Variants in APOD observed in about 807,000 individuals in gnomAD.
APOD encodes the protein apolipoprotein D.
APOD carries 22 observed loss-of-function variants against 20.4 expected under a neutral mutation model. The ratio of observed to expected loss-of-function variants is 1.08; its 90% CI spans 0.77 to 1.54. APOD has a LOEUF of 1.54. APOD is among the 40% of genes most tolerant of loss of function. APOD has a pLI of 0.00. For synonymous variants in APOD, 97 were observed against 92.4 expected (o/e 1.05, Z -0.29); for missense variants, 223 against 229.6 (o/e 0.97, Z 0.19).
At chr3:195,576,874 G>A (rs1720256600) in intron 2 of APOD, among the ~76,000 whole-genome samples, 1 of 150,908 alleles carries the variant, frequency 6.6e-6, no homozygotes, top group Admixed American at 6.6e-5. Flanking sequence ...ATTTGCAGAT[G>A]AAATTAAGAA....
rs763455259 is a variant in APOD at position 195,579,520 on chromosome 3, G to A, written c.-34-25C>T. The A allele has an allele frequency of 9.4e-6, 15 of 1,597,008 alleles. No homozygotes were observed. In the African/African-American group the frequency reaches 1.9e-4, roughly 20 times the overall value. On this transcript the variant is annotated intron_variant, in intron 1 of 4. Transcript: ENST00000343267. ...GCTGCGGGAACGCAAAGCAGCTGGG[G>A]TTGTCATTCTGAGCCTTCTAAGGCC... is the stretch of plus-strand genomic sequence containing the variant.
intron 4 of APOD, chr3:195,570,789 G>A (rs1720146026): frequency 6.1e-6 from 1 of 164,752 alleles, no homozygotes; most frequent in African/African-American, 2.4e-5. Flanking sequence ...CCTGTCATTA[G>A]GTATCTCACA....
chr3:195,582,932 CA>C (rs71777098), intron 1 of APOD: 25,944 of 100,518 alleles, frequency 0.26, 2,426 homozygotes, highest in East Asian at 0.47. Context: ...GACTCCGTCT[CA>C]AAAAAAAAAA....
Position 195,576,310 on chromosome 3 carries a change from T to C in APOD, c.124-2339A>G, listed in dbSNP as rs78867801. Among the ~76,000 whole-genome samples, 104 of 152,336 alleles carry C rather than the reference T, an allele frequency of 6.8e-4. No homozygotes were observed. The East Asian group carries it at 0.01, about 15-fold the overall frequency. On this transcript the variant is annotated intron_variant, in intron 2 of 4. Transcript: ENST00000343267. ...AACTCAGAGCTTCCTTATGATCTCATATTATTTTTGCAAAGGCTTCTTAAT... is the reference window on the plus strand; with the variant it reads ...AACTCAGAGCTTCCTTATGATCTCACATTATTTTTGCAAAGGCTTCTTAAT...
At chr3:195,579,553 C>A in intron 1 of APOD, 58 bp from the exon 2 acceptor site, 1 of 1,552,116 alleles carries the variant, frequency 6.4e-7, no homozygotes, top group South Asian at 1.2e-5. Context: ...GCCACACAAT[C>A]ATGAAGTAAG....
At chr3:195,579,653 C>T (rs1284290401) in intron 1 of APOD, among the ~76,000 whole-genome samples, 158 bp from the exon 2 acceptor site, 1 of 152,204 alleles carries the variant, frequency 6.6e-6, no homozygotes, top group Non-Finnish European at 1.5e-5. Flanking sequence ...GAACACCTGC[C>T]TGTCCTTGTT....
chr3:195,583,776 G>A (rs1720379741), intron 1 of APOD, 102 bp downstream of exon 1: 2 of 152,246 alleles, frequency 1.3e-5, no homozygotes, highest in Non-Finnish European at 2.9e-5. Context: ...CTCTCAATCA[G>A]TGGTAGTTAT....
At position 195,579,448 on chromosome 3, in the gene APOD, A is replaced by G; in HGVS notation, c.14T>C (p.Leu5Pro). The change falls in exon 2 of 5, where the codon CTG becomes CCG. Residue 5 changes from leucine to proline, a missense_variant. Leu to Pro is a moderately conservative substitution (Grantham distance 98). Transcript: ENST00000343267. MVML[L>P]LLLSALAGLF... ...GCCAGCCAGTGCGGAAAGCAGCAGC[A>G]GCAGCATCACCATCTTGGGGCTGGG... The G allele has an allele frequency of 6.2e-7, 1 of 1,613,616 alleles. No homozygotes were observed. The highest frequency in any genetic ancestry group is 2.2e-5 in the East Asian group (1 of 44,888).
chr3:195,572,354 G>A (rs1720175724), intron 3 of APOD, among the ~76,000 whole-genome samples: 1 of 152,202 alleles, frequency 6.6e-6, no homozygotes, highest in Non-Finnish European at 1.5e-5. Flanking sequence ...TCTCAGGTAT[G>A]CCCAGATTTC....
In APOD at chr3:195,568,814, T is replaced by G. The variant is rs542624395; in HGVS notation, c.*86A>C. 7 of 843,984 alleles carry G rather than the reference T, an allele frequency of 8.3e-6. No individual in the cohort carries two copies. The highest frequency in any genetic ancestry group is 2.3e-5 in the African/African-American group (1 of 43,228). 52.3% of individuals were successfully genotyped at this position (843,984 alleles called of 1,614,324 possible). On this transcript the variant is annotated 3_prime_UTR_variant, in exon 5 of 5. Coordinates refer to ENST00000343267, the MANE Select transcript of APOD (RefSeq NM_001647.4). ...TCAGGTCAACTTCCTTTGTCGTGGT[T>G]GATTGGTTTGTCTTTATGGGGGGGG... is the stretch of plus-strand genomic sequence containing the variant.
intron 2 of APOD, among the ~76,000 whole-genome samples, chr3:195,578,304 T>C (rs1720279464): frequency 6.6e-6 from 1 of 152,168 alleles, no homozygotes; most frequent in South Asian, 2.1e-4. Flanking sequence ...GTGTACTCTA[T>C]GGCCTCTTCC....
intron 1 of APOD, among the ~76,000 whole-genome samples, chr3:195,582,077 G>A (rs73196174): frequency 0.062 from 9,469 of 152,208 alleles, 429 homozygotes; most frequent in East Asian, 0.19. Context: ...TTACATGCAT[G>A]CCTGTAATCG....
At chr3:195,572,735 G>T (rs1201664977) in intron 3 of APOD, among the ~76,000 whole-genome samples, 8 of 152,154 alleles carry the variant, frequency 5.3e-5, no homozygotes, top group Non-Finnish European at 1.0e-4. Flanking sequence ...AGGTTGGCCG[G>T]GCGTGGTGGC....
chr3:195,569,785 C>CTTTTTTTTTTTTTTTTTTTTTT (rs1560457392), intron 4 of APOD, among the ~76,000 whole-genome samples: 1 of 86,888 alleles, frequency 1.2e-5, no homozygotes, highest in African/African-American at 4.8e-5. Context: ...TCTTCTTCTT[C>CTTTTTTTTTTTTTTTTTTTTTT]GTTTTTTTTT....
chr3:195,574,804 T>C (rs1415351201), intron 2 of APOD, among the ~76,000 whole-genome samples: 1 of 152,196 alleles, frequency 6.6e-6, no homozygotes, highest in Non-Finnish European at 1.5e-5. Context: ...CGATGGCATA[T>C]CCAGACAATG....
At position 195,568,967 on chromosome 3, in the gene APOD, G is replaced by C; in HGVS notation, c.503C>G (p.Thr168Ser). 6.2e-7 allele frequency: 1 copy of C among 1,614,176 alleles called. No individual in the cohort carries two copies. Among genetic ancestry groups the C allele is most frequent in the Non-Finnish European group, 8.5e-7 (1 of 1,180,040 alleles). The stretch of plus-strand genomic sequence containing the variant: ...TTTCTTGACATCAATGTTATTAGAA[G>C]TCAGGATATTTTTTAGAGAGTCCAC... ...ETVDSLKNIL[T>S]SNNIDVKKMT... Residue 168 changes from threonine to serine, a missense_variant, in exon 5 of 5, where the codon ACT becomes AGT. Physicochemically the swap from Thr to Ser is moderately conservative, Grantham distance 58. Coordinates refer to ENST00000343267, the MANE Select transcript of APOD (RefSeq NM_001647.4).
chr3:195,581,684 C>T (rs983270898), intron 1 of APOD, among the ~76,000 whole-genome samples: 1 of 152,324 alleles, frequency 6.6e-6, no homozygotes, highest in Non-Finnish European at 1.5e-5. Context: ...AATAACCCCC[C>T]ACCTCTGTGA....
chr3:195,577,739 G>T (rs1720269901), intron 2 of APOD, among the ~76,000 whole-genome samples: 1 of 152,154 alleles, frequency 6.6e-6, no homozygotes, highest in African/African-American at 2.4e-5. Flanking sequence ...CAATAAAAGG[G>T]GATATAGTAT....
intron 3 of APOD, among the ~76,000 whole-genome samples, chr3:195,572,539 A>G (rs1720179024): frequency 6.6e-6 from 1 of 152,172 alleles, no homozygotes; most frequent in African/African-American, 2.4e-5. Flanking sequence ...GATGACTCCC[A>G]ATGGCCCCAT....
Sources: gnomAD v4.1 joint callset for allele counts (sites outside exome capture counted in the v4.1 genomes callset) on GRCh38, gnomAD v4.1.1 for gene constraint, MANE v1.5 for transcripts, NCBI Gene and HGNC (gene_info 2026-07-23, HGNC 2026-07-21) for gene names.